LTBP1: variants seen among roughly 807,000 people sequenced by gnomAD.
LTBP1 encodes latent-transforming growth factor beta-binding protein 1.
In LTBP1, 129 loss-of-function variants were observed where a neutral mutation model predicts 207.6. The ratio of observed to expected loss-of-function variants is 0.62; its 90% CI spans 0.54 to 0.72. The LOEUF (loss-of-function observed/expected upper bound fraction) is 0.72, where lower values mean the gene tolerates loss of function less well. Ranked by LOEUF, LTBP1 falls within the 30% of genes least tolerant of loss-of-function variation. LTBP1 has a pLI of 0.00. For missense variants in LTBP1, 2,281 were observed against 2,217.2 expected, an observed-to-expected ratio of 1.03 and a Z score of -0.58; for synonymous variants, 963 against 833.7, an observed-to-expected ratio of 1.16 and a Z score of -2.67.
At chr2:33,323,127 C>T (rs566890697) in intron 24 of LTBP1, among the ~76,000 whole-genome samples, 1 of 152,160 alleles carries the variant, frequency 6.6e-6, no homozygotes, top group Non-Finnish European at 1.5e-5. Flanking sequence ...AACATTATAG[C>T]TTAGCCTAGC....
intron 3 of LTBP1, among the ~76,000 whole-genome samples, chr2:33,091,932 A>G (rs1457500696): frequency 6.6e-6 from 1 of 152,066 alleles, no homozygotes; most frequent in African/African-American, 2.4e-5. Flanking sequence ...CCTGGGAGGG[A>G]GTCCTCACAT....
At chr2:33,112,589 A>C (rs1402419195) in intron 4 of LTBP1, among the ~76,000 whole-genome samples, 1 of 152,220 alleles carries the variant, frequency 6.6e-6, no homozygotes, top group African/African-American at 2.4e-5. Context: ...TAGGAAAGAC[A>C]AGAAGGGAGA....
At chr2:33,178,571 T>A (rs1284113331) in intron 5 of LTBP1, among the ~76,000 whole-genome samples, 1 of 152,236 alleles carries the variant, frequency 6.6e-6, no homozygotes, top group Non-Finnish European at 1.5e-5. Context: ...GTTGATCTTT[T>A]CTACTTGTTG....
intron 3 of LTBP1, among the ~76,000 whole-genome samples, chr2:33,060,824 T>TA (rs899784098): frequency 5.3e-5 from 8 of 152,170 alleles, no homozygotes; most frequent in Non-Finnish European, 1.2e-4. Context: ...TTTATGTTTT[T>TA]AAAAAACTCA....
intron 32 of LTBP1, among the ~76,000 whole-genome samples, chr2:33,393,234 CTTTTTTTTTTT>C (rs569734292): frequency 2.1e-5 from 1 of 48,770 alleles, no homozygotes; most frequent in East Asian, 9.9e-4. Flanking sequence ...CCTTCTTCTT[CTTTTTTTTTTT>C]TTTTTTTTTT....
chr2:33,384,481 T>G (rs1281198243), intron 31 of LTBP1, among the ~76,000 whole-genome samples: 1 of 152,196 alleles, frequency 6.6e-6, no homozygotes, highest in East Asian at 1.9e-4. Flanking sequence ...ATGGACACAT[T>G]GTATGGGGTC....
At chr2:33,384,737 A>T (rs1363583422) in intron 31 of LTBP1, among the ~76,000 whole-genome samples, 1 of 152,206 alleles carries the variant, frequency 6.6e-6, no homozygotes, top group Non-Finnish European at 1.5e-5. Flanking sequence ...GGGATCTGCT[A>T]TTCTTGGGCT....
At chr2:33,124,211 C>G (rs2081312979) in intron 4 of LTBP1, among the ~76,000 whole-genome samples, 1 of 152,124 alleles carries the variant, frequency 6.6e-6, no homozygotes, top group African/African-American at 2.4e-5. Context: ...GAGTTCAAGA[C>G]CAGCCTGGCT....
At chr2:33,368,031 A>T (rs1267606562) in intron 31 of LTBP1, among the ~76,000 whole-genome samples, 1 of 152,096 alleles carries the variant, frequency 6.6e-6, no homozygotes, top group African/African-American at 2.4e-5. Context: ...ACTGGCTAAC[A>T]CAGTGAAACC....
At chr2:33,289,030 T>C (rs894500638) in intron 19 of LTBP1, among the ~76,000 whole-genome samples, 2 of 152,280 alleles carry the variant, frequency 1.3e-5, no homozygotes, top group South Asian at 4.1e-4. Flanking sequence ...TAAGGATAAA[T>C]CATGCTAGAC....
At position 32,947,059 on chromosome 2, in the gene LTBP1, C is replaced by T. The variant is rs1676282656; in HGVS notation, c.-266C>T. On this transcript the variant is annotated 5_prime_UTR_variant, in exon 1 of 34. Transcript: ENST00000404816. Reference sequence around the variant, plus strand: ...CGCGCGGACCCTCACCTTGCGCGGCCCGCTCCCCTCGCCCCTCCCCGCTCC... The same window carrying T: ...CGCGCGGACCCTCACCTTGCGCGGCTCGCTCCCCTCGCCCCTCCCCGCTCC... The T allele has an allele frequency of 7.0e-6, 2 of 287,020 alleles. No homozygotes were observed. The highest frequency in any genetic ancestry group is 4.4e-5 in the African/African-American group (2 of 45,172). 17.8% of individuals were successfully genotyped at this position (287,020 alleles called of 1,614,324 possible). A position where few individuals can be genotyped will look rare whatever the true frequency, so the allele number is the denominator to read the frequency against.
intron 2 of LTBP1, among the ~76,000 whole-genome samples, chr2:32,957,734 G>A (rs139956359): frequency 0.015 from 2,214 of 152,278 alleles, 23 homozygotes; most frequent in Middle Eastern, 0.051. Context: ...CTGCATGCAA[G>A]GTTGTTACAA....
intron 7 of LTBP1, among the ~76,000 whole-genome samples, chr2:33,209,240 C>G (rs940681108): frequency 6.6e-6 from 1 of 152,074 alleles, no homozygotes. Context: ...CACAAGAAAC[C>G]ATTGCTATCT....
chr2:33,206,453 A>G (rs11681694), intron 7 of LTBP1, among the ~76,000 whole-genome samples: 86,238 of 151,746 alleles, frequency 0.57, 24,663 homozygotes, highest in Middle Eastern at 0.61. Flanking sequence ...AGAAATAAGC[A>G]TTGGAGGCCA....
At chr2:33,145,494 C>T (rs1245423669) in intron 5 of LTBP1, among the ~76,000 whole-genome samples, 1 of 152,192 alleles carries the variant, frequency 6.6e-6, no homozygotes, top group Non-Finnish European at 1.5e-5. Flanking sequence ...TGCCCTTCTC[C>T]TGGCAAGTTA....
chr2:33,276,841 A>G (rs2093435494), intron 18 of LTBP1, among the ~76,000 whole-genome samples: 1 of 152,210 alleles, frequency 6.6e-6, no homozygotes. Flanking sequence ...ACAGAGAAAA[A>G]CCTTGTCTCC....
chr2:32,971,092 T>A (rs1295254872), intron 2 of LTBP1, among the ~76,000 whole-genome samples: 2 of 151,688 alleles, frequency 1.3e-5, no homozygotes, highest in Non-Finnish European at 2.9e-5. Context: ...GGCGCTCAGC[T>A]TGGATGTTGT....
intron 3 of LTBP1, among the ~76,000 whole-genome samples, chr2:33,100,832 A>G (rs2079689010): frequency 6.6e-6 from 1 of 152,236 alleles, no homozygotes; most frequent in East Asian, 1.9e-4. Flanking sequence ...TTCACTTAGC[A>G]TGATGTTTTC....
Position 33,363,453 on chromosome 2 carries a change from G to T in LTBP1, c.4334G>T (p.Arg1445Leu). The change falls in exon 29 of 34, where the codon CGG becomes CTG. Residue 1445 changes from arginine to leucine, a missense_variant. By Grantham distance (102) the Arg-to-Leu change is moderately radical. Transcript: ENST00000404816. ...AAAAATGGTTTCTGTTTGAACACTC[G>T]GCCTGGGTATGAATGCTACTGTAAG... ...ICKNGFCLNT[R>L]PGYECYCKQG... is the part of the protein sequence containing the mutation. The T allele has an allele frequency of 6.2e-7, 1 of 1,613,834 alleles. No homozygotes were observed. Among genetic ancestry groups the T allele is most frequent in the South Asian group, 1.1e-5 (1 of 91,062 alleles).
Sources: allele counts gnomAD v4.1 joint callset (sites outside exome capture counted in the v4.1 genomes callset), GRCh38; gene constraint gnomAD v4.1.1; transcripts MANE v1.5; gene names NCBI Gene and HGNC (gene_info 2026-07-23, HGNC 2026-07-21).